CADPS2: variants seen among roughly 807,000 people sequenced by gnomAD.
CADPS2 encodes calcium-dependent secretion activator 2.
Under a neutral mutation model 172.5 loss-of-function variants are expected in CADPS2, and 93 were observed. The ratio of observed to expected loss-of-function variants is 0.54; its 90% CI spans 0.46 to 0.64. The LOEUF (loss-of-function observed/expected upper bound fraction) is 0.64. Ranked by LOEUF, CADPS2 falls within the 30% of genes least tolerant of loss-of-function variation. The probability of loss-of-function intolerance (pLI) is 0.00; values close to 1 mark genes in which losing one functional copy is unlikely to be tolerated. For synonymous variants in CADPS2, 546 were observed against 555.2 expected (o/e 0.98, Z 0.23); for missense variants, 1,420 against 1,565.9 (o/e 0.91, Z 1.57).
chr7:122,461,864 G>A (rs1261091239), intron 14 of CADPS2, among the ~76,000 whole-genome samples: 2 of 152,182 alleles, frequency 1.3e-5, no homozygotes, highest in East Asian at 3.9e-4. Context: ...AGAGTGCTGG[G>A]ATTAAAGGTG....
chr7:122,706,519 T>C (rs901035669), intron 2 of CADPS2, among the ~76,000 whole-genome samples: 8 of 147,400 alleles, frequency 5.4e-5, no homozygotes, highest in African/African-American at 1.2e-4. Flanking sequence ...AACATATTAC[T>C]AGGGTTGGTT....
At chr7:122,373,128 AG>A (rs2041964448) in intron 25 of CADPS2, among the ~76,000 whole-genome samples, 1 of 152,232 alleles carries the variant, frequency 6.6e-6, no homozygotes, top group African/African-American at 2.4e-5. Flanking sequence ...CTTTTAAAAA[AG>A]TCATTTCTTC....
intron 1 of CADPS2, among the ~76,000 whole-genome samples, chr7:122,756,412 A>G (rs2093163100): frequency 6.6e-6 from 1 of 152,222 alleles, no homozygotes; most frequent in Non-Finnish European, 1.5e-5. Context: ...TACATTATCA[A>G]AAGAAATGTA....
intron 27 of CADPS2, among the ~76,000 whole-genome samples, chr7:122,352,798 A>G (rs914368920): frequency 6.6e-6 from 1 of 152,224 alleles, no homozygotes; most frequent in African/African-American, 2.4e-5. Flanking sequence ...GAACTGACTG[A>G]TTATACCCTA....
intron 6 of CADPS2, among the ~76,000 whole-genome samples, chr7:122,608,115 G>T (rs2073823114): frequency 6.6e-6 from 1 of 151,874 alleles, no homozygotes; most frequent in Non-Finnish European, 1.5e-5. Flanking sequence ...TACTCAAGAG[G>T]CTGAGGCAGA....
At chr7:122,519,562 C>T (rs2060622206) in intron 8 of CADPS2, among the ~76,000 whole-genome samples, 1 of 151,448 alleles carries the variant, frequency 6.6e-6, no homozygotes, top group African/African-American at 2.4e-5. Context: ...ATTAATCCCT[C>T]TCTTGGGTTA....
intron 22 of CADPS2, among the ~76,000 whole-genome samples, chr7:122,391,289 T>C (rs996999067): frequency 6.6e-6 from 1 of 151,982 alleles, no homozygotes; most frequent in Non-Finnish European, 1.5e-5. Flanking sequence ...TCACTTTACT[T>C]ACAAAGCCCC....
intron 6 of CADPS2, among the ~76,000 whole-genome samples, chr7:122,600,837 A>G (rs984439607): frequency 8.5e-5 from 13 of 152,104 alleles, no homozygotes; most frequent in African/African-American, 3.1e-4. Flanking sequence ...TTGCAGACAG[A>G]GAACACGAGA....
chr7:122,484,809 G>A (rs1201755010), intron 11 of CADPS2, among the ~76,000 whole-genome samples: 4 of 152,058 alleles, frequency 2.6e-5, no homozygotes, highest in Non-Finnish European at 5.9e-5. Context: ...GTGCTTTGCA[G>A]ATGTGTTTTT....
intron 1 of CADPS2, among the ~76,000 whole-genome samples, chr7:122,791,019 G>A (rs1359012460): frequency 1.3e-5 from 2 of 152,198 alleles, no homozygotes; most frequent in Admixed American, 6.5e-5. Flanking sequence ...TGTGCCCATA[G>A]AGTATGCACA....
chr7:122,443,602 T>TA (rs2051669665), intron 15 of CADPS2, among the ~76,000 whole-genome samples: 3 of 148,690 alleles, frequency 2.0e-5, no homozygotes, highest in South Asian at 4.3e-4. Flanking sequence ...TTTTTTTTTT[T>TA]ACCAAAGTGA....
chr7:122,559,460 C>T (rs1000322882), intron 7 of CADPS2, among the ~76,000 whole-genome samples: 1 of 152,082 alleles, frequency 6.6e-6, no homozygotes, highest in African/African-American at 2.4e-5. Flanking sequence ...TGTCAATTCT[C>T]TTTATGTTCT....
chr7:122,716,253 A>T (rs2089581413), intron 2 of CADPS2, among the ~76,000 whole-genome samples: 1 of 152,130 alleles, frequency 6.6e-6, no homozygotes, highest in Non-Finnish European at 1.5e-5. Flanking sequence ...TTATGAAAAA[A>T]AGCCTGCCTC....
chr7:122,592,859 G>T (rs1225753793), intron 6 of CADPS2, among the ~76,000 whole-genome samples: 1 of 151,530 alleles, frequency 6.6e-6, no homozygotes, highest in Non-Finnish European at 1.5e-5. Context: ...GAGGGGGGAG[G>T]AATAGCATTA....
chr7:122,419,349 C>T (rs1381404959), intron 17 of CADPS2, among the ~76,000 whole-genome samples: 1 of 152,186 alleles, frequency 6.6e-6, no homozygotes, highest in African/African-American at 2.4e-5. Context: ...TCTCAAATAA[C>T]TGACAAATGT....
intron 3 of CADPS2, among the ~76,000 whole-genome samples, chr7:122,661,563 C>T (rs2080532487): frequency 6.6e-6 from 1 of 152,016 alleles, no homozygotes; most frequent in East Asian, 1.9e-4. Flanking sequence ...TCTTTCAAAT[C>T]TCAGAACTGA....
At chr7:122,715,241 T>C (rs1335523203) in intron 2 of CADPS2, among the ~76,000 whole-genome samples, 5 of 152,282 alleles carry the variant, frequency 3.3e-5, no homozygotes, top group African/African-American at 9.6e-5. Context: ...ACAGGAGTTA[T>C]GGACACACCT....
chr7:122,757,449 G>A (rs957995706), intron 1 of CADPS2, among the ~76,000 whole-genome samples: 3 of 152,012 alleles, frequency 2.0e-5, no homozygotes, highest in Non-Finnish European at 4.4e-5. Context: ...TGACCAGCCA[G>A]GAATGTTTTT....
intron 8 of CADPS2, among the ~76,000 whole-genome samples, chr7:122,520,061 ACAC>A (rs1293253430): frequency 6.6e-6 from 1 of 152,076 alleles, no homozygotes; most frequent in African/African-American, 2.4e-5. Context: ...CTGGAAGATA[ACAC>A]CACAATTACT....
Sources: allele counts gnomAD v4.1 joint callset (sites outside exome capture counted in the v4.1 genomes callset), GRCh38; gene constraint gnomAD v4.1.1; transcripts MANE v1.5; gene names NCBI Gene and HGNC (gene_info 2026-07-23, HGNC 2026-07-21).